Variants in USP1 observed in about 807,000 individuals in gnomAD.
The protein encoded by USP1 is ubiquitin specific peptidase 1, also known as ubiquitin carboxyl-terminal hydrolase 1.
In USP1, 18 loss-of-function variants were observed where a neutral mutation model predicts 72.2. The ratio of observed to expected loss-of-function variants is 0.25; its 90% CI spans 0.17 to 0.37. USP1 has a LOEUF of 0.37. Ranked by LOEUF, USP1 falls within the 10% of genes least tolerant of loss-of-function variation. The pLI, the probability that USP1 is intolerant of heterozygous loss-of-function variation, is 1.00. For synonymous variants in USP1, 354 were observed against 303.7 expected (o/e 1.17, Z -1.72); for missense variants, 759 against 884.9 (o/e 0.86, Z 1.81).
intron 6 of USP1, among the ~76,000 whole-genome samples, 176 bp from the exon 7 acceptor site, chr1:62,447,165 A>G (rs1196724686): frequency 6.6e-6 from 1 of 152,188 alleles, no homozygotes; most frequent in African/African-American, 2.4e-5. Flanking sequence ...TTATCTTTAC[A>G]GGGACCTTAA....
At chr1:62,445,765 G>A (rs763080333) in intron 6 of USP1, among the ~76,000 whole-genome samples, 2 of 152,192 alleles carry the variant, frequency 1.3e-5, no homozygotes, top group Admixed American at 6.5e-5. Flanking sequence ...GATCACCTGC[G>A]GTCAGGAGTT....
chr1:62,439,024 T>A (rs1014445619), intron 1 of USP1, among the ~76,000 whole-genome samples: 1 of 152,210 alleles, frequency 6.6e-6, no homozygotes, highest in Non-Finnish European at 1.5e-5. Flanking sequence ...GGTACTTTAT[T>A]TTCATATATC....
chr1:62,446,028 G>A (rs1408342812), intron 6 of USP1, among the ~76,000 whole-genome samples: 1 of 152,104 alleles, frequency 6.6e-6, no homozygotes, highest in African/African-American at 2.4e-5. Context: ...ATATTTTAAT[G>A]TACATTTAAG....
chr1:62,439,798 G>C lies in USP1; in HGVS notation c.-69-1G>C. On this transcript the variant is annotated splice_acceptor_variant, in intron 1 of 8. Transcript: ENST00000339950. LOFTEE classifies it low-confidence loss of function (5UTR_SPLICE). The stretch of plus-strand genomic sequence containing the variant: ...AATGAAACTTTCTCTGTGATTAACA[G>C]ATATAATTGGTGATTACAACTTTCC... The C allele has an allele frequency of 8.0e-7, 1 of 1,253,172 alleles. No homozygotes were observed. The highest frequency in any genetic ancestry group is 1.0e-6 in the Non-Finnish European group (1 of 965,532). The allele number at this position is 1,253,172 out of a possible 1,614,324, so 77.6% of individuals were successfully genotyped here. A position where few individuals can be genotyped will look rare whatever the true frequency, so the allele number is the denominator to read the frequency against.
At position 62,448,502 on chromosome 1, in the gene USP1, A is replaced by G. The variant is rs761659795; in HGVS notation, c.1458A>G (p.Arg486=). 1.7e-5 allele frequency: 27 copies of G among 1,613,864 alleles called. No individual in the cohort carries two copies. The African/African-American group carries it at 3.1e-4, about 18-fold the overall frequency. The change falls in exon 8 of 9, where the codon AGA becomes AGG. Residue 486 remains arginine, a synonymous_variant. Coordinates refer to ENST00000339950, the MANE Select transcript of USP1 (RefSeq NM_003368.5). ...CAAAAACAGAAATGAAGACCCTGAG[A>G]TGGGCAATTTCACAATTTGCTTCAG... The part of the protein sequence containing the change: ...PEPKTEMKTL[R]WAISQFASVE...
Position 62,445,207 on chromosome 1 carries a change from A to C in USP1, c.1027A>C (p.Lys343Gln), listed in dbSNP as rs766743271. The change falls in exon 6 of 9, where the codon AAG becomes CAG. Residue 343 changes from lysine (K) to glutamine (Q), a missense_variant. By Grantham distance (53) the Lys-to-Gln change is moderately conservative. Coordinates refer to ENST00000339950, the MANE Select transcript of USP1 (RefSeq NM_003368.5). Reference sequence around the variant, plus strand: ...ATCAAGAGTTAAAATAAATTGGTTAAAGTCTGCAACTAAGCAACCCAGCAT... The same window carrying C: ...ATCAAGAGTTAAAATAAATTGGTTACAGTCTGCAACTAAGCAACCCAGCAT... ...KKSRVKINWL[K>Q]SATKQPSILS... The C allele has an allele frequency of 3.7e-6, 6 of 1,612,014 alleles. No individual in the cohort carries two copies. In the Admixed American group the frequency reaches 1.0e-4, roughly 27 times the overall value.
Position 62,445,238 on chromosome 1 carries a change from C to G in USP1, c.1058C>G (p.Ser353Cys), listed in dbSNP as rs1246465405. 6.2e-7 allele frequency: 1 copy of G among 1,611,680 alleles called. No individual in the cohort carries two copies. Among genetic ancestry groups the G allele is most frequent in the East Asian group, 2.2e-5 (1 of 44,824 alleles). ...KSATKQPSIL[S>C]KFCSLGKITT... Reference sequence around the variant, plus strand: ...GCAACTAAGCAACCCAGCATTCTTTCTAAATTTTGTAGTCTGGGAAAAATA... The same window carrying G: ...GCAACTAAGCAACCCAGCATTCTTTGTAAATTTTGTAGTCTGGGAAAAATA... The change falls in exon 6 of 9, where the codon TCT becomes TGT. Residue 353 changes from serine (S) to cysteine (C), a missense_variant. Physicochemically the swap from Ser to Cys is moderately radical, Grantham distance 112 (BLOSUM62 -1). This residue lies in a region of USP1 where 245 missense variants were observed against 240.7 expected (regional missense o/e 1.02). Transcript: ENST00000339950.
At chr1:62,444,010 G>C (rs1458262391) in intron 5 of USP1, among the ~76,000 whole-genome samples, 1 of 152,112 alleles carries the variant, frequency 6.6e-6, no homozygotes, top group Non-Finnish European at 1.5e-5. Context: ...TGTAATCCCA[G>C]CACTTTGGGA....
chr1:62,451,329 GT>G lies in USP1; in HGVS notation c.*349del, dbSNP rs1645218720. 1 of 167,318 alleles carries G rather than the reference GT, an allele frequency of 6.0e-6. No individual in the cohort carries two copies. The highest frequency in any genetic ancestry group is 1.3e-5 in the Non-Finnish European group (1 of 78,296). 10.4% of individuals were successfully genotyped at this position (167,318 alleles called of 1,614,324 possible). ...GTATTTGTATTCTCCATATTTTGGA[GT>G]AATTATCTACATGATGTTTATAGTT... is the stretch of plus-strand genomic sequence containing the variant. On this transcript the variant is annotated 3_prime_UTR_variant, in exon 9 of 9. Transcript: ENST00000339950.
In USP1 at chr1:62,437,138, C is replaced by T. The variant is rs1461319386; in HGVS notation, c.-332C>T. 1 of 399,038 alleles carries T rather than the reference C, an allele frequency of 2.5e-6. No homozygotes were observed. Among genetic ancestry groups the T allele is most frequent in the Non-Finnish European group, 4.4e-6 (1 of 226,158 alleles). 24.7% of individuals were successfully genotyped at this position (399,038 alleles called of 1,614,324 possible). ...GAGCGGGGCCGCTGCTTGTTGCGCT[C>T]CTGGCTCTCCCGGGGCGGGCGCAGA... is the stretch of plus-strand genomic sequence containing the variant. On this transcript the variant is annotated 5_prime_UTR_variant, in exon 1 of 9. Coordinates refer to ENST00000339950, the MANE Select transcript of USP1 (RefSeq NM_003368.5).
At chr1:62,449,490 T>G (rs1645198731) in intron 8 of USP1, among the ~76,000 whole-genome samples, 2 of 152,208 alleles carry the variant, frequency 1.3e-5, no homozygotes, top group Admixed American at 1.3e-4. Flanking sequence ...TCACAGTAGC[T>G]CTCTCACACT....
chr1:62,445,332 G>T lies in USP1; in HGVS notation c.1152G>T (p.Lys384Asn), dbSNP rs757437981. ...NECDPEEDLG[K>N]CESDNTTNGC... ...GTGATCCTGAAGAGGACTTGGGGAA[G>T]TGTGAAAGTGATAACACAACTAATG... Residue 384 changes from lysine (K) to asparagine (N), a missense_variant, in exon 6 of 9, where the codon AAG (lysine) becomes AAT (asparagine). Transcript: ENST00000339950. The T allele has an allele frequency of 3.1e-6, 5 of 1,613,144 alleles. No homozygotes were observed. The highest frequency in any genetic ancestry group is 4.2e-6 in the Non-Finnish European group (5 of 1,179,776).
At chr1:62,436,410 C>G (rs1645087195), upstream of USP1, 1 of 152,220 alleles carries the variant, frequency 6.6e-6, no homozygotes, top group South Asian at 2.1e-4. Context: ...GCAGCGAAAG[C>G]GCGCACTCGA....
intron 2 of USP1, 71 bp downstream of exon 2, chr1:62,440,108 A>G: frequency 7.6e-7 from 1 of 1,313,704 alleles, no homozygotes; most frequent in Non-Finnish European, 1.0e-6. Context: ...TGACAACTCC[A>G]GTCTGACTTG....
At chr1:62,446,742 T>G (rs1222220925) in intron 6 of USP1, among the ~76,000 whole-genome samples, 2 of 152,240 alleles carry the variant, frequency 1.3e-5, no homozygotes, top group Non-Finnish European at 1.5e-5. Flanking sequence ...GTCATCCTTA[T>G]TCTGGGTTTA....
intron 1 of USP1, among the ~76,000 whole-genome samples, chr1:62,438,619 T>C (rs1455481453): frequency 6.6e-6 from 1 of 152,220 alleles, no homozygotes; most frequent in Non-Finnish European, 1.5e-5. Context: ...AATTTTATGG[T>C]AATACTCTAG....
intron 1 of USP1, among the ~76,000 whole-genome samples, chr1:62,438,280 T>A (rs1157899887): frequency 6.6e-6 from 1 of 152,180 alleles, no homozygotes; most frequent in Admixed American, 6.5e-5. Flanking sequence ...GAAAAACCTT[T>A]TATCAGAATC....
rs929442921 is a variant in USP1, at chr1:62,451,643, G to A, written c.*662G>A. The A allele has an allele frequency of 2.0e-5, 3 of 152,546 alleles. No individual in the cohort carries two copies. The highest frequency in any genetic ancestry group is 4.4e-5 in the Non-Finnish European group (3 of 68,020). 9.4% of individuals were successfully genotyped at this position (152,546 alleles called of 1,614,324 possible). ...TATCTGTTTAACTCATATTCTGCACGATCTGTATATAGTACATCAAACTTA... is the reference window on the plus strand; with the variant it reads ...TATCTGTTTAACTCATATTCTGCACAATCTGTATATAGTACATCAAACTTA... On this transcript the variant is annotated 3_prime_UTR_variant, in exon 9 of 9. Coordinates refer to ENST00000339950, the MANE Select transcript of USP1 (RefSeq NM_003368.5).
At chr1:62,438,723 G>A (rs972627180) in intron 1 of USP1, among the ~76,000 whole-genome samples, 3 of 151,674 alleles carry the variant, frequency 2.0e-5, no homozygotes, top group African/African-American at 4.8e-5. Context: ...TTTTTTTCAC[G>A]TGCAAGTTTT....
Sources: allele counts gnomAD v4.1 joint callset (sites outside exome capture counted in the v4.1 genomes callset), GRCh38; gene constraint gnomAD v4.1.1; regional missense constraint gnomAD v4.1.1; transcripts MANE v1.5; gene names NCBI Gene and HGNC (gene_info 2026-07-23, HGNC 2026-07-21).